The following SLAIN2 variants were observed in gnomAD, a reference collection of about 807,000 sequenced individuals.
SLAIN2 encodes the protein SLAIN motif-containing protein 2.
A neutral mutation model predicts 56.6 loss-of-function variants in SLAIN2; 31 were observed. That is an observed-to-expected ratio of 0.55 (90% CI 0.41 to 0.74). SLAIN2 has a LOEUF of 0.74. SLAIN2 is among the 30% of genes least tolerant of loss of function. The probability of loss-of-function intolerance (pLI) is 0.00; values close to 1 mark genes in which losing one functional copy is unlikely to be tolerated. For missense variants in SLAIN2, 777 were observed against 754.2 expected (o/e 1.03, Z -0.35); for synonymous variants, 317 against 284.9 (o/e 1.11, Z -1.13).
At chr4:48,399,841 C>T (rs557348964) in intron 6 of SLAIN2, among the ~76,000 whole-genome samples, 8 of 151,954 alleles carry the variant, frequency 5.3e-5, no homozygotes, top group East Asian at 1.9e-4. Context: ...CCTTGCATCC[C>T]GAGGATAAAG....
chr4:48,353,746 G>A (rs1316078460), intron 1 of SLAIN2, among the ~76,000 whole-genome samples: 1 of 152,168 alleles, frequency 6.6e-6, no homozygotes, highest in Non-Finnish European at 1.5e-5. Flanking sequence ...AAGTGGTAGA[G>A]TGTAGATAGA....
At chr4:48,398,751 A>T (rs1560462285) in intron 6 of SLAIN2, among the ~76,000 whole-genome samples, 2 of 152,306 alleles carry the variant, frequency 1.3e-5, no homozygotes, top group South Asian at 4.2e-4. Context: ...TTAAATAGGG[A>T]ATCCTTTCCC....
rs1379283576 is a variant in SLAIN2 at position 48,374,866 on chromosome 4, T to C, written c.539-3030T>C. ...CCAGCTTCTGCGACAAGATGAATAT[T>C]GGGATCATTCTGGAAGAGGGACCCT... On this transcript the variant is annotated intron_variant, in intron 2 of 7. Transcript: ENST00000264313. 3.9e-5 allele frequency among the ~76,000 whole-genome samples: 6 copies of C among 152,204 alleles called. No homozygotes were observed. The East Asian group carries it at 1.2e-3, about 29-fold the overall frequency.
intron 6 of SLAIN2, among the ~76,000 whole-genome samples, chr4:48,406,197 A>G (rs1351906095): frequency 6.6e-6 from 1 of 152,094 alleles, no homozygotes; most frequent in African/African-American, 2.4e-5. Flanking sequence ...GTATTTCAAG[A>G]CCAAAATCTG....
chr4:48,342,866 C>A (rs568897553), intron 1 of SLAIN2, among the ~76,000 whole-genome samples: 1 of 151,996 alleles, frequency 6.6e-6, no homozygotes, highest in African/African-American at 2.4e-5. Context: ...CCACGTCCTT[C>A]TAGGGGCAGA....
At chr4:48,369,504 T>C (rs780834101) in intron 1 of SLAIN2, among the ~76,000 whole-genome samples, 6 of 152,174 alleles carry the variant, frequency 3.9e-5, no homozygotes, top group Non-Finnish European at 7.4e-5. Flanking sequence ...AGCTCCTTCT[T>C]CTGCTTCCTA....
intron 6 of SLAIN2, among the ~76,000 whole-genome samples, chr4:48,390,479 G>A (rs1330552238): frequency 1.3e-5 from 2 of 152,054 alleles, no homozygotes; most frequent in African/African-American, 4.8e-5. Context: ...ACCTAGAGAA[G>A]CTAATTTTTA....
At chr4:48,358,783 T>G (rs1715237705) in intron 1 of SLAIN2, among the ~76,000 whole-genome samples, 1 of 151,962 alleles carries the variant, frequency 6.6e-6, no homozygotes, top group Non-Finnish European at 1.5e-5. Context: ...TGCAATGGTG[T>G]GATCTCAGCT....
intron 2 of SLAIN2, among the ~76,000 whole-genome samples, chr4:48,377,653 T>G (rs1395394984): frequency 1.3e-5 from 2 of 152,188 alleles, no homozygotes; most frequent in Non-Finnish European, 2.9e-5. Flanking sequence ...ATAATCTGTT[T>G]AGGAGTTACT....
At chr4:48,403,983 C>T (rs1183519010) in intron 6 of SLAIN2, among the ~76,000 whole-genome samples, 1 of 152,174 alleles carries the variant, frequency 6.6e-6, no homozygotes, top group Admixed American at 6.5e-5. Flanking sequence ...TGCACAATCA[C>T]TCACCACCTT....
At chr4:48,362,830 G>A (rs375193827) in intron 1 of SLAIN2, among the ~76,000 whole-genome samples, 3 of 106,454 alleles carry the variant, frequency 2.8e-5, no homozygotes, top group Non-Finnish European at 5.7e-5. Flanking sequence ...GCAGGGTCAT[G>A]GGACAATAGT....
At chr4:48,358,034 C>G (rs1419731047) in intron 1 of SLAIN2, among the ~76,000 whole-genome samples, 1 of 152,034 alleles carries the variant, frequency 6.6e-6, no homozygotes, top group Non-Finnish European at 1.5e-5. Flanking sequence ...CTTTTATATT[C>G]TTTTTTAGCA....
At chr4:48,406,042 C>A (rs1421658441) in intron 6 of SLAIN2, among the ~76,000 whole-genome samples, 1 of 151,958 alleles carries the variant, frequency 6.6e-6, no homozygotes, top group Non-Finnish European at 1.5e-5. Context: ...AGTTGGATTC[C>A]AAGTCTTTTT....
At chr4:48,380,318 A>G (rs1715936747) in intron 4 of SLAIN2, among the ~76,000 whole-genome samples, 1 of 152,104 alleles carries the variant, frequency 6.6e-6, no homozygotes, top group African/African-American at 2.4e-5. Flanking sequence ...TTTAAGTACT[A>G]TGAGGGCCAT....
chr4:48,412,409 CACACACAT>C (rs774878973), intron 6 of SLAIN2, among the ~76,000 whole-genome samples: 5,856 of 56,014 alleles, frequency 0.1, 319 homozygotes, highest in Middle Eastern at 0.18. Context: ...CACACACACA[CACACACAT>C]TCCCTCTCTC....
rs541076424 is a variant in SLAIN2, at chr4:48,397,521, A to T, written c.1360+13737A>T. Among the ~76,000 whole-genome samples the T allele has an allele frequency of 2.9e-4, 44 of 152,198 alleles. No homozygotes were observed. In the South Asian group the frequency reaches 3.1e-3, roughly 11 times the overall value. On this transcript the variant is annotated intron_variant, in intron 6 of 7. Coordinates refer to ENST00000264313, the MANE Select transcript of SLAIN2 (RefSeq NM_020846.2). ...TGTTTTTCCTTCAATTTTTATTTTA[A>T]GTTTTGGGGTACATGTGCAGGATGT... is the stretch of plus-strand genomic sequence containing the variant.
At chr4:48,363,703 G>T (rs1715406611) in intron 1 of SLAIN2, among the ~76,000 whole-genome samples, 2 of 120,622 alleles carry the variant, frequency 1.7e-5, no homozygotes, top group Non-Finnish European at 3.7e-5. Context: ...CCGGGCAGAG[G>T]CGCCCCTCAC....
intron 1 of SLAIN2, among the ~76,000 whole-genome samples, chr4:48,362,091 T>C (rs965251798): frequency 6.6e-6 from 1 of 152,146 alleles, no homozygotes; most frequent in African/African-American, 2.4e-5. Flanking sequence ...CAGGATCATG[T>C]CTGCGATTAA....
At chr4:48,402,200 AT>A (rs34736334) in intron 6 of SLAIN2, among the ~76,000 whole-genome samples, 79 of 144,842 alleles carry the variant, frequency 5.5e-4, no homozygotes, top group African/African-American at 1.2e-3. Context: ...GCTGCCCTTA[AT>A]TTTTTTTTTT....
Sources: gnomAD v4.1 joint callset for allele counts (sites outside exome capture counted in the v4.1 genomes callset) on GRCh38, gnomAD v4.1.1 for gene constraint, MANE v1.5 for transcripts, NCBI Gene and HGNC (gene_info 2026-07-23, HGNC 2026-07-21) for gene names.